Variants in ZNF521 observed in about 807,000 individuals in gnomAD.
ZNF521 encodes the protein zinc finger protein 521, also known as LYST-interacting protein 3.
Under a neutral mutation model 105.5 loss-of-function variants are expected in ZNF521, and 14 were observed. The observed-to-expected ratio is 0.13, with a 90% CI of 0.09 to 0.21. The LOEUF (loss-of-function observed/expected upper bound fraction) is 0.21, where lower values mean the gene tolerates loss of function less well. ZNF521 is among the 10% of genes least tolerant of loss of function. The pLI is 1.00. For missense variants in ZNF521, 1,233 were observed against 1,629.7 expected (o/e 0.76, Z 4.19); for synonymous variants, 635 against 606.0 (o/e 1.05, Z -0.70).
chr18:25,337,176 TG>T (rs1568086094), intron 2 of ZNF521, among the ~76,000 whole-genome samples: 1 of 151,372 alleles, frequency 6.6e-6, no homozygotes, highest in South Asian at 2.1e-4. Flanking sequence ...GAGATGGAGG[TG>T]GGGGAACAAG....
At chr18:25,233,065 T>C (rs1407869592) in intron 3 of ZNF521, among the ~76,000 whole-genome samples, 2 of 152,144 alleles carry the variant, frequency 1.3e-5, no homozygotes, top group African/African-American at 4.8e-5. Flanking sequence ...AAGAGGACAA[T>C]ATTTTGAAAT....
intron 4 of ZNF521, among the ~76,000 whole-genome samples, chr18:25,218,129 T>G (rs533076172): frequency 6.6e-6 from 1 of 152,212 alleles, no homozygotes; most frequent in South Asian, 2.1e-4. Flanking sequence ...AAAGGATTAT[T>G]ATATCATCCT....
chr18:25,149,137 T>C (rs955717248), intron 5 of ZNF521, among the ~76,000 whole-genome samples: 1 of 152,180 alleles, frequency 6.6e-6, no homozygotes, highest in African/African-American at 2.4e-5. Context: ...GCACACAGGA[T>C]GAAGCATTAA....
At chr18:25,135,221 T>G (rs2034710657) in intron 5 of ZNF521, among the ~76,000 whole-genome samples, 1 of 152,040 alleles carries the variant, frequency 6.6e-6, no homozygotes, top group Non-Finnish European at 1.5e-5. Context: ...GAGAAACATT[T>G]TAAATGGCTT....
In ZNF521 at chr18:25,083,860, C is replaced by T. The variant is rs377218622; in HGVS notation, c.3906+5605G>A. ...TCATGGCTCACTGCAGCCTCAACCT[C>T]CCCAGGTTCAGGTGATCCTCCCACC... is the stretch of plus-strand genomic sequence containing the variant. On this transcript the variant is annotated intron_variant, in intron 7 of 7. Transcript: ENST00000361524. Among the ~76,000 whole-genome samples the T allele has an allele frequency of 5.0e-4, 76 of 151,672 alleles. No homozygotes were observed. The East Asian group carries it at 5.0e-3, about 10-fold the overall frequency.
At chr18:25,340,915 A>G (rs1013630088) in intron 2 of ZNF521, among the ~76,000 whole-genome samples, 2 of 152,224 alleles carry the variant, frequency 1.3e-5, no homozygotes, top group African/African-American at 4.8e-5. Context: ...AAATGGTGTT[A>G]TTATCTTGTA....
intron 5 of ZNF521, among the ~76,000 whole-genome samples, chr18:25,159,347 C>A (rs2035207339): frequency 1.3e-5 from 2 of 152,168 alleles, no homozygotes; most frequent in Admixed American, 1.3e-4. Context: ...ATAACCCCAG[C>A]ATCCAGGAAT....
At chr18:25,236,753 T>C (rs1250492172) in intron 3 of ZNF521, among the ~76,000 whole-genome samples, 1 of 152,082 alleles carries the variant, frequency 6.6e-6, no homozygotes, top group East Asian at 1.9e-4. Flanking sequence ...CCAAATGATA[T>C]AAGACAATCC....
At chr18:25,263,436 C>A (rs1489129541) in intron 3 of ZNF521, among the ~76,000 whole-genome samples, 1 of 152,076 alleles carries the variant, frequency 6.6e-6, no homozygotes. Flanking sequence ...TGGCTCACTG[C>A]AACCTCCACC....
At chr18:25,230,350 T>C (rs1341923413) in intron 3 of ZNF521, among the ~76,000 whole-genome samples, 1 of 152,210 alleles carries the variant, frequency 6.6e-6, no homozygotes, top group Non-Finnish European at 1.5e-5. Flanking sequence ...TGTAAATGGA[T>C]TGTGTTCTCC....
chr18:25,181,446 T>C (rs1475093487), intron 5 of ZNF521, among the ~76,000 whole-genome samples: 1 of 152,136 alleles, frequency 6.6e-6, no homozygotes, highest in Non-Finnish European at 1.5e-5. Flanking sequence ...GGAAAAATAA[T>C]GGGATTTAAT....
At chr18:25,261,867 C>T (rs560237380) in intron 3 of ZNF521, among the ~76,000 whole-genome samples, 2 of 152,078 alleles carry the variant, frequency 1.3e-5, no homozygotes, top group African/African-American at 2.4e-5. Flanking sequence ...TATTACCCAC[C>T]CCCTGCTGTG....
chr18:25,096,399 T>C (rs925169145), intron 5 of ZNF521, among the ~76,000 whole-genome samples: 5 of 152,198 alleles, frequency 3.3e-5, no homozygotes, highest in African/African-American at 1.2e-4. Flanking sequence ...TAGCCTGTTT[T>C]ATAACAGGAG....
chr18:25,313,245 C>T (rs1340288430), intron 3 of ZNF521, among the ~76,000 whole-genome samples: 1 of 152,166 alleles, frequency 6.6e-6, no homozygotes, highest in Non-Finnish European at 1.5e-5. Context: ...GTCCAGCAAA[C>T]TGGACTTACG....
At chr18:25,069,629 T>A (rs145309279) in intron 7 of ZNF521, among the ~76,000 whole-genome samples, 34 of 152,326 alleles carry the variant, frequency 2.2e-4, no homozygotes, top group East Asian at 1.9e-3. Context: ...ATCAGGACCA[T>A]ATCTGTGGAT....
At chr18:25,314,104 C>T (rs920739228) in intron 3 of ZNF521, among the ~76,000 whole-genome samples, 2 of 151,814 alleles carry the variant, frequency 1.3e-5, no homozygotes, top group East Asian at 1.9e-4. Context: ...ACTTATAATG[C>T]CTTAAGCCTA....
At chr18:25,162,303 G>A (rs1472006275) in intron 5 of ZNF521, among the ~76,000 whole-genome samples, 9 of 151,892 alleles carry the variant, frequency 5.9e-5, no homozygotes, top group Non-Finnish European at 1.3e-4. Context: ...AAATAGATAA[G>A]GTTCAATCAA....
chr18:25,331,402 T>C (rs1322199807), intron 2 of ZNF521, among the ~76,000 whole-genome samples: 1 of 152,090 alleles, frequency 6.6e-6, no homozygotes, highest in East Asian at 1.9e-4. Flanking sequence ...CCAGGTATAC[T>C]GAAAACTGCT....
intron 3 of ZNF521, among the ~76,000 whole-genome samples, chr18:25,298,086 T>C (rs902399934): frequency 6.6e-6 from 1 of 152,208 alleles, no homozygotes; most frequent in Admixed American, 6.5e-5. Context: ...TAGATTCTTT[T>C]CATTATTCTG....
Sources: allele counts gnomAD v4.1 joint callset (sites outside exome capture counted in the v4.1 genomes callset), GRCh38; gene constraint gnomAD v4.1.1; transcripts MANE v1.5; gene names NCBI Gene and HGNC (gene_info 2026-07-23, HGNC 2026-07-21).